The following ESRRB variants were observed in gnomAD, a reference collection of about 807,000 sequenced individuals.
The protein encoded by ESRRB is estrogen related receptor beta.
In ESRRB, 16 loss-of-function variants were observed where a neutral mutation model predicts 46.0. That is an observed-to-expected ratio of 0.35 (90% CI 0.24 to 0.53). The LOEUF (loss-of-function observed/expected upper bound fraction) is 0.53, where lower values mean the gene tolerates loss of function less well. Among genes scored for constraint, ESRRB ranks in the 20% least tolerant of loss-of-function variants. The pLI is 0.93. For synonymous variants in ESRRB, 246 were observed against 259.6 expected, an observed-to-expected ratio of 0.95 and a Z score of 0.50; for missense variants, 488 against 607.4, an observed-to-expected ratio of 0.80 and a Z score of 2.07.
At chr14:76,490,250 T>G (rs1038108057) in intron 5 of ESRRB, among the ~76,000 whole-genome samples, 6 of 152,248 alleles carry the variant, frequency 3.9e-5, no homozygotes, top group Non-Finnish European at 8.8e-5. Flanking sequence ...TCCAGTGAAG[T>G]TACTGCCTTG....
At chr14:76,363,535 A>G (rs761762648) in intron 1 of ESRRB, among the ~76,000 whole-genome samples, 7 of 152,118 alleles carry the variant, frequency 4.6e-5, no homozygotes, top group Non-Finnish European at 1.0e-4. Context: ...CCCCAATGTT[A>G]TATTCCTTTT....
rs547289416 is a variant in ESRRB at position 76,499,238 on chromosome 14, G to A, written c.*780G>A. The A allele has an allele frequency of 2.3e-5, 6 of 260,292 alleles. No individual in the cohort carries two copies. The highest frequency in any genetic ancestry group is 8.9e-5 in the African/African-American group (4 of 44,702). The allele number at this position is 260,292 out of a possible 1,614,324, so 16.1% of individuals were successfully genotyped here. A position where few individuals can be genotyped will look rare whatever the true frequency, so the allele number is the denominator to read the frequency against. On this transcript the variant is annotated 3_prime_UTR_variant, in exon 7 of 7. Transcript: ENST00000644823. ...GCCAGCCACAGCGACTCCAGGGGCT[G>A]TAGACAGGAACGCGCTGGCACAGAG...
intron 1 of ESRRB, among the ~76,000 whole-genome samples, chr14:76,412,023 A>G (rs1886464838): frequency 6.6e-6 from 1 of 152,220 alleles, no homozygotes; most frequent in African/African-American, 2.4e-5. Context: ...GTTTTAAATC[A>G]AGATCTTGAT....
chr14:76,440,057 T>G (rs1457958306), intron 2 of ESRRB, among the ~76,000 whole-genome samples: 1 of 152,102 alleles, frequency 6.6e-6, no homozygotes, highest in African/African-American at 2.4e-5. Flanking sequence ...TGGAGTACAC[T>G]GTCAAATGTG....
rs528273264 is a variant in ESRRB, at chr14:76,498,534, C to T, written c.*76C>T. 20 of 1,610,216 alleles carry T rather than the reference C, an allele frequency of 1.2e-5. No homozygotes were observed. The African/African-American group carries it at 2.1e-4, about 17-fold the overall frequency. On this transcript the variant is annotated 3_prime_UTR_variant, in exon 7 of 7. Transcript: ENST00000644823. ...CCGAGGTGGAGACCTCCACAGCCAC[C>T]AGCCTCCACCTTCAACCCCTGTATC...
intron 2 of ESRRB, among the ~76,000 whole-genome samples, chr14:76,446,436 T>C (rs1291071293): frequency 1.3e-5 from 2 of 151,722 alleles, no homozygotes; most frequent in Non-Finnish European, 2.9e-5. Flanking sequence ...TGAGAATAGA[T>C]GAGCTCATAG....
intron 1 of ESRRB, among the ~76,000 whole-genome samples, chr14:76,427,699 T>G (rs1312410497): frequency 6.6e-6 from 1 of 152,156 alleles, no homozygotes; most frequent in African/African-American, 2.4e-5. Flanking sequence ...CTCTTAATAT[T>G]TATTAAGTAC....
At chr14:76,451,610 A>G (rs927874221) in intron 2 of ESRRB, among the ~76,000 whole-genome samples, 1 of 151,928 alleles carries the variant, frequency 6.6e-6, no homozygotes, top group Admixed American at 6.6e-5. Context: ...TGAGGAAGCA[A>G]TTTTATTTTA....
chr14:76,479,247 G>GTGCA (rs1423732106), intron 3 of ESRRB, among the ~76,000 whole-genome samples: 2 of 142,378 alleles, frequency 1.4e-5, no homozygotes, highest in Admixed American at 6.9e-5. Context: ...GTGTGCATGC[G>GTGCA]TGCGTGTGTG....
intron 1 of ESRRB, among the ~76,000 whole-genome samples, chr14:76,341,011 G>A (rs922380755): frequency 2.0e-5 from 3 of 152,116 alleles, no homozygotes; most frequent in Non-Finnish European, 2.9e-5. Context: ...GTGAAGTACC[G>A]AGACTCAGCC....
chr14:76,391,256 C>T (rs1885458745), intron 1 of ESRRB, among the ~76,000 whole-genome samples: 6 of 152,208 alleles, frequency 3.9e-5, no homozygotes, highest in Admixed American at 3.3e-4. Flanking sequence ...TCCTCCGTGG[C>T]AGGTTTCCTG....
intron 3 of ESRRB, among the ~76,000 whole-genome samples, chr14:76,472,302 G>A (rs1245499376): frequency 6.6e-6 from 1 of 152,214 alleles, no homozygotes; most frequent in African/African-American, 2.4e-5. Context: ...TGGGGACATG[G>A]TGGCATGGTA....
chr14:76,370,236 A>C (rs1478889237), upstream of ESRRB, among the ~76,000 whole-genome samples: 1 of 151,648 alleles, frequency 6.6e-6, no homozygotes, highest in South Asian at 2.1e-4. Context: ...AAAAAAAAAA[A>C]AAAACACAAA....
chr14:76,432,966 C>T (rs1486878213), intron 1 of ESRRB, among the ~76,000 whole-genome samples: 1 of 152,128 alleles, frequency 6.6e-6, no homozygotes, highest in Non-Finnish European at 1.5e-5. Context: ...TGAGCTACCA[C>T]ACCCGGCTGG....
chr14:76,356,325 T>A (rs555287164), intron 1 of ESRRB, among the ~76,000 whole-genome samples: 2 of 152,330 alleles, frequency 1.3e-5, no homozygotes, highest in East Asian at 3.9e-4. Flanking sequence ...GATGTGCTTG[T>A]CTAAGTGTTT....
intron 1 of ESRRB, among the ~76,000 whole-genome samples, chr14:76,413,866 ACCCCTGCACCGTCCCCCG>A (rs1886548361): frequency 5.7e-4 from 3 of 5,222 alleles, no homozygotes; most frequent in African/African-American, 2.7e-3. Flanking sequence ...CACCATCCCC[ACCCCTGCACCGTCCCCCG>A]CCCCTGCACC....
chr14:76,449,761 CTTTT>C (rs79764142), intron 2 of ESRRB, among the ~76,000 whole-genome samples: 5 of 126,288 alleles, frequency 4.0e-5, no homozygotes, highest in Admixed American at 8.2e-5. Flanking sequence ...TTTTTCTTTC[CTTTT>C]TTTTTTTTTT....
chr14:76,325,339 T>C (rs1441037477), intron 1 of ESRRB, among the ~76,000 whole-genome samples: 1 of 152,040 alleles, frequency 6.6e-6, no homozygotes, highest in Non-Finnish European at 1.5e-5. Flanking sequence ...CTTTTGGAGT[T>C]TGAAATATCA....
intron 1 of ESRRB, among the ~76,000 whole-genome samples, chr14:76,423,308 T>C (rs548681932): frequency 6.6e-6 from 1 of 152,146 alleles, no homozygotes; most frequent in South Asian, 2.1e-4. Context: ...CACACCTGGC[T>C]AATTTTTGTA....
Sources: gnomAD v4.1 joint callset for allele counts (sites outside exome capture counted in the v4.1 genomes callset) on GRCh38, gnomAD v4.1.1 for gene constraint, MANE v1.5 for transcripts, NCBI Gene and HGNC (gene_info 2026-07-23, HGNC 2026-07-21) for gene names.